The following CADM2 variants were observed in gnomAD, a reference collection of about 807,000 sequenced individuals.
CADM2 encodes the protein cell adhesion molecule 2.
Under a neutral mutation model 49.8 loss-of-function variants are expected in CADM2, and 12 were observed. The observed-to-expected ratio is 0.24, with a 90% CI of 0.15 to 0.39. CADM2 has a LOEUF of 0.39. Among genes scored for constraint, CADM2 ranks in the 10% least tolerant of loss-of-function variants. CADM2 has a pLI of 1.00. For synonymous variants in CADM2, 214 were observed against 175.4 expected, an observed-to-expected ratio of 1.22 and a Z score of -1.74; for missense variants, 378 against 492.3, an observed-to-expected ratio of 0.77 and a Z score of 2.20.
At chr3:85,354,346 A>T (rs1159907236) in intron 1 of CADM2, among the ~76,000 whole-genome samples, 1 of 102,396 alleles carries the variant, frequency 9.8e-6, no homozygotes, top group African/African-American at 3.9e-5. Flanking sequence ...CACTCCGGGG[A>T]CTGTTGTGGG....
intron 8 of CADM2, among the ~76,000 whole-genome samples, chr3:86,053,615 T>C (rs376527692): frequency 1.3e-5 from 2 of 152,094 alleles, no homozygotes; most frequent in East Asian, 3.9e-4. Flanking sequence ...TAACATGCAG[T>C]AATCATGGTC....
chr3:85,628,608 TAC>T (rs1349229144), intron 1 of CADM2, among the ~76,000 whole-genome samples: 1 of 139,202 alleles, frequency 7.2e-6, no homozygotes, highest in Non-Finnish European at 1.5e-5. Flanking sequence ...TACACATATA[TAC>T]ATTTATATAC....
At chr3:85,132,813 C>T (rs2039276854) in intron 1 of CADM2, among the ~76,000 whole-genome samples, 1 of 152,048 alleles carries the variant, frequency 6.6e-6, no homozygotes, top group African/African-American at 2.4e-5. Context: ...CCATGCAATC[C>T]ACATGGTATA....
At chr3:86,066,580 A>T (rs1578107409) in intron 9 of CADM2, 85 bp from the exon 10 acceptor site, 5 of 1,053,960 alleles carry the variant, frequency 4.7e-6, no homozygotes, top group South Asian at 2.7e-5. Flanking sequence ...ATCTGGCAAA[A>T]GTTTCTTCCT....
At chr3:85,223,518 G>T (rs2107796285) in intron 1 of CADM2, among the ~76,000 whole-genome samples, 1 of 152,232 alleles carries the variant, frequency 6.6e-6, no homozygotes, top group Non-Finnish European at 1.5e-5. Context: ...TCCCGGAGTA[G>T]GACATTACAA....
chr3:85,084,234 T>C (rs981562433), intron 1 of CADM2, among the ~76,000 whole-genome samples: 6 of 152,194 alleles, frequency 3.9e-5, no homozygotes, highest in African/African-American at 1.4e-4. Flanking sequence ...TTTGAAGTAT[T>C]TCTTTATGTA....
At chr3:85,818,121 G>A (rs1033055697) in intron 3 of CADM2, among the ~76,000 whole-genome samples, 14 of 152,024 alleles carry the variant, frequency 9.2e-5, no homozygotes, top group African/African-American at 3.4e-4. Flanking sequence ...ATAAAGCAAA[G>A]ACCCTGTGTT....
intron 1 of CADM2, among the ~76,000 whole-genome samples, chr3:85,241,239 G>C (rs76617147): frequency 0.095 from 14,348 of 151,316 alleles, 840 homozygotes; most frequent in African/African-American, 0.16. Flanking sequence ...CAAAAGTCTA[G>C]TGCTTGAAAA....
chr3:85,882,919 A>T (rs551379773), intron 3 of CADM2, among the ~76,000 whole-genome samples: 7 of 151,150 alleles, frequency 4.6e-5, no homozygotes, highest in Non-Finnish European at 1.0e-4. Flanking sequence ...TACCAAATTT[A>T]TCTGTCCATA....
intron 1 of CADM2, among the ~76,000 whole-genome samples, chr3:85,232,493 A>C (rs1348866489): frequency 6.6e-6 from 1 of 152,192 alleles, no homozygotes; most frequent in Non-Finnish European, 1.5e-5. Flanking sequence ...CCACAGACTG[A>C]GAAAATATTT....
chr3:85,742,204 G>A (rs1021894599), intron 2 of CADM2, among the ~76,000 whole-genome samples: 1 of 152,200 alleles, frequency 6.6e-6, no homozygotes, highest in Non-Finnish European at 1.5e-5. Context: ...AAATAGCACT[G>A]TGGCAGTCAT....
chr3:85,108,346 A>G (rs1487372629), intron 1 of CADM2, among the ~76,000 whole-genome samples: 2 of 152,236 alleles, frequency 1.3e-5, no homozygotes, highest in Non-Finnish European at 2.9e-5. Flanking sequence ...GTGTATGCAT[A>G]TAATGTAATG....
chr3:85,871,854 T>C (rs2075942987), intron 3 of CADM2, among the ~76,000 whole-genome samples: 1 of 152,220 alleles, frequency 6.6e-6, no homozygotes, highest in African/African-American at 2.4e-5. Flanking sequence ...AATTTTTAAA[T>C]GGCATTTTCT....
In CADM2 at chr3:85,932,372, G is replaced by A. The variant is rs187818254; in HGVS notation, c.701-3395G>A. On this transcript the variant is annotated intron_variant, in intron 6 of 9. Transcript: ENST00000383699. ...ATATCCAAGTGAACATGCCACATAG[G>A]TGTTGCACATAAATAAGCTTGTGAA... Among the ~76,000 whole-genome samples the A allele has an allele frequency of 3.0e-3, 459 of 152,268 alleles. 2 individuals are homozygous for A. Among genetic ancestry groups the A allele is most frequent in the African/African-American group, 0.011 (437 of 41,568 alleles).
chr3:85,750,245 A>G (rs1218424950), intron 2 of CADM2, among the ~76,000 whole-genome samples: 1 of 152,018 alleles, frequency 6.6e-6, no homozygotes, highest in Non-Finnish European at 1.5e-5. Context: ...ATGTGTTTTC[A>G]TCATGAATGA....
intron 1 of CADM2, among the ~76,000 whole-genome samples, chr3:85,261,336 A>G (rs892999002): frequency 6.6e-6 from 1 of 151,940 alleles, no homozygotes; most frequent in Non-Finnish European, 1.5e-5. Flanking sequence ...GGGCTTCACT[A>G]TATTGGCCAG....
intron 1 of CADM2, among the ~76,000 whole-genome samples, chr3:85,596,980 A>T (rs1210476545): frequency 6.6e-6 from 1 of 152,018 alleles, no homozygotes; most frequent in East Asian, 1.9e-4. Flanking sequence ...GCCTCCCAAA[A>T]TGCTGGGATT....
At chr3:85,687,941 G>A (rs2066265310) in intron 1 of CADM2, among the ~76,000 whole-genome samples, 1 of 152,150 alleles carries the variant, frequency 6.6e-6, no homozygotes, top group African/African-American at 2.4e-5. Flanking sequence ...GGTTCTCATA[G>A]GAGCACAAGC....
chr3:85,449,419 T>G (rs886614632), intron 1 of CADM2, among the ~76,000 whole-genome samples: 1 of 152,090 alleles, frequency 6.6e-6, no homozygotes, highest in Non-Finnish European at 1.5e-5. Context: ...TTGCTCCTAT[T>G]TATACAGTTT....
Sources: gnomAD v4.1 joint callset for allele counts (sites outside exome capture counted in the v4.1 genomes callset) on GRCh38, gnomAD v4.1.1 for gene constraint, MANE v1.5 for transcripts, NCBI Gene and HGNC (gene_info 2026-07-23, HGNC 2026-07-21) for gene names.